The following GPHN variants were observed in gnomAD, a reference collection of about 807,000 sequenced individuals.
GPHN encodes the protein gephyrin.
GPHN carries 17 observed loss-of-function variants against 95.5 expected under a neutral mutation model. The observed-to-expected ratio is 0.18, with a 90% CI of 0.12 to 0.27. GPHN has a LOEUF of 0.27. Among genes scored for constraint, GPHN ranks in the 10% least tolerant of loss-of-function variants. The probability of loss-of-function intolerance (pLI) is 1.00; values close to 1 mark genes in which losing one functional copy is unlikely to be tolerated. For missense variants in GPHN, 660 were observed against 978.1 expected (o/e 0.67, Z 4.34); for synonymous variants, 320 against 322.5 (o/e 0.99, Z 0.08).
At chr14:67,572,427 T>G in the GPHN span, 1 of 645,962 alleles carries the variant, frequency 1.5e-6, no homozygotes. Context: ...TGGGGGGGTG[T>G]ACAGTTATGG....
intron 3 of GPHN, among the ~76,000 whole-genome samples, chr14:66,784,897 A>G (rs1322079443): frequency 1.3e-5 from 2 of 152,386 alleles, no homozygotes; most frequent in East Asian, 3.9e-4. Flanking sequence ...TTAAATATAA[A>G]TAATCTAAAT....
At chr14:66,576,475 C>G (rs576459546) in intron 1 of GPHN, among the ~76,000 whole-genome samples, 15 of 136,336 alleles carry the variant, frequency 1.1e-4, no homozygotes, top group Non-Finnish European at 1.8e-4. Context: ...TTTACTAATC[C>G]TCTCTGTACT....
chr14:66,992,818 TATATG>T (rs2071524369), intron 9 of GPHN, among the ~76,000 whole-genome samples: 1 of 152,142 alleles, frequency 6.6e-6, no homozygotes, highest in African/African-American at 2.4e-5. Context: ...ATGTGAAAAT[TATATG>T]AGATTCAAAT....
chr14:67,086,729 A>G (rs1287639394), intron 11 of GPHN, among the ~76,000 whole-genome samples: 1 of 150,956 alleles, frequency 6.6e-6, no homozygotes, highest in Non-Finnish European at 1.5e-5. Context: ...GCTGTGGGTA[A>G]GTACTTACTG....
intron 3 of GPHN, among the ~76,000 whole-genome samples, chr14:66,778,234 G>A (rs544275152): frequency 7.2e-5 from 11 of 152,114 alleles, no homozygotes; most frequent in East Asian, 3.9e-4. Context: ...ATTGCTTCAA[G>A]GAGAATAAAA....
intron 12 of GPHN, 43 bp downstream of exon 12, chr14:67,089,118 T>TTTTTTTTTTTTTTTTTTG: frequency 1.5e-6 from 1 of 649,292 alleles, no homozygotes; most frequent in Non-Finnish European, 2.6e-6. Flanking sequence ...GCACTGTATT[T>TTTTTTTTTTTTTTTTTTG]TTTTTTCTTT....
chr14:67,340,281 C>T, the GPHN span: 1 of 620,272 alleles, frequency 1.6e-6, no homozygotes. Context: ...AGATTTGTTT[C>T]CACAACTTCT....
the GPHN span, chr14:67,320,938 C>A: frequency 1.2e-6 from 1 of 801,536 alleles, no homozygotes; most frequent in East Asian, 2.7e-5. Flanking sequence ...TTAGCATTTT[C>A]TCAGTTTATT....
At chr14:66,830,921 T>C (rs944129467) in intron 4 of GPHN, among the ~76,000 whole-genome samples, 1 of 152,112 alleles carries the variant, frequency 6.6e-6, no homozygotes, top group Non-Finnish European at 1.5e-5. Flanking sequence ...TTGAAATATA[T>C]GTATTTCATA....
chr14:66,727,024 G>A (rs1311420950), intron 2 of GPHN, among the ~76,000 whole-genome samples: 3 of 152,146 alleles, frequency 2.0e-5, no homozygotes, highest in Non-Finnish European at 4.4e-5. Flanking sequence ...ATTCCCACAT[G>A]TCATAGGAGG....
chr14:67,152,677 T>C (rs1383956935), intron 18 of GPHN, among the ~76,000 whole-genome samples: 2 of 152,218 alleles, frequency 1.3e-5, no homozygotes, highest in Non-Finnish European at 2.9e-5. Flanking sequence ...AATAAAATTA[T>C]GTTCACTGGC....
rs902617304 is a variant in GPHN at position 66,833,172 on chromosome 14, A to T, written c.294+8606A>T. Among the ~76,000 whole-genome samples, 6 of 152,184 alleles carry T rather than the reference A, an allele frequency of 3.9e-5. No homozygotes were observed. The East Asian group carries it at 5.8e-4, about 15-fold the overall frequency. On this transcript the variant is annotated intron_variant, in intron 4 of 22. Coordinates refer to ENST00000478722, the MANE Select transcript of GPHN (RefSeq NM_020806.5). ...AAAGAAAGAGGCTTAATTGACTCACAGTTCAGCAGGGTGTGGTAGGCCTTA... is the reference window on the plus strand; with the variant it reads ...AAAGAAAGAGGCTTAATTGACTCACTGTTCAGCAGGGTGTGGTAGGCCTTA...
intron 4 of GPHN, among the ~76,000 whole-genome samples, chr14:66,856,673 TA>T (rs1158847361): frequency 3.3e-5 from 5 of 152,078 alleles, no homozygotes; most frequent in African/African-American, 1.2e-4. Context: ...AAGGAGACTA[TA>T]GACCTAATCA....
intron 4 of GPHN, among the ~76,000 whole-genome samples, chr14:66,828,495 G>C (rs1468312811): frequency 6.6e-6 from 1 of 151,880 alleles, no homozygotes; most frequent in African/African-American, 2.4e-5. Flanking sequence ...TTTTAAATGA[G>C]GTCAGAAGTT....
chr14:66,817,734 T>G (rs921428287), intron 3 of GPHN, among the ~76,000 whole-genome samples: 8 of 152,160 alleles, frequency 5.3e-5, no homozygotes, highest in African/African-American at 1.9e-4. Context: ...CACTAGACCT[T>G]TCTCTCCAAA....
At chr14:67,593,252 G>A in the GPHN span, 1 of 174,214 alleles carries the variant, frequency 5.7e-6, no homozygotes, top group South Asian at 1.3e-4. Flanking sequence ...CACTTGGGGA[G>A]GCCACAGCAG....
At chr14:67,613,395 G>A in the GPHN span, 1 of 152,272 alleles carries the variant, frequency 6.6e-6, no homozygotes, top group African/African-American at 2.4e-5. Context: ...CCAGGAGTGG[G>A]GGTGCAGTCC....
the GPHN span, among the ~76,000 whole-genome samples, chr14:67,243,697 C>T: frequency 6.6e-6 from 1 of 150,836 alleles, no homozygotes; most frequent in Non-Finnish European, 1.5e-5. Flanking sequence ...GGGTTTTCAC[C>T]GTGTTAGCCA....
At chr14:67,325,961 A>G in the GPHN span, among the ~76,000 whole-genome samples, 1 of 145,674 alleles carries the variant, frequency 6.9e-6, no homozygotes, top group Non-Finnish European at 1.5e-5. Flanking sequence ...GGCACCTGCC[A>G]CCACACCCGG....
Sources: allele counts gnomAD v4.1 joint callset (sites outside exome capture counted in the v4.1 genomes callset), GRCh38; gene constraint gnomAD v4.1.1; transcripts MANE v1.5; gene names NCBI Gene and HGNC (gene_info 2026-07-23, HGNC 2026-07-21).